TWSG1: variants seen among roughly 807,000 people sequenced by gnomAD.
The protein encoded by TWSG1 is twisted gastrulation BMP signaling modulator 1.
TWSG1 carries 15 observed loss-of-function variants against 23.0 expected under a neutral mutation model. That is an observed-to-expected ratio of 0.65 (90% CI 0.44 to 1.00). The LOEUF is 1.00. Among genes scored for constraint, TWSG1 ranks in the 50% least tolerant of loss-of-function variants. The probability of loss-of-function intolerance (pLI) is 0.00; values close to 1 mark genes in which losing one functional copy is unlikely to be tolerated. For synonymous variants in TWSG1, 86 were observed against 92.8 expected (o/e 0.93, Z 0.42); for missense variants, 242 against 278.7 (o/e 0.87, Z 0.94).
At chr18:9,372,275 C>A (rs1368480823) in intron 3 of TWSG1, among the ~76,000 whole-genome samples, 1 of 151,016 alleles carries the variant, frequency 6.6e-6, no homozygotes, top group African/African-American at 2.4e-5. Context: ...ATACTTTTTC[C>A]TATACATACA....
rs1310882392 is a variant in TWSG1, at chr18:9,401,236, T to G, written c.*1709T>G. On this transcript the variant is annotated 3_prime_UTR_variant, in exon 5 of 5. Coordinates refer to ENST00000262120, the MANE Select transcript of TWSG1 (RefSeq NM_020648.6). ...CTAGAATGCCTCATTTAAAAGTGCC[T>G]TGAAAACATTTAGCTCCCCTTCTTC... The G allele has an allele frequency of 1.3e-5, 2 of 152,160 alleles. No homozygotes were observed. The highest frequency in any genetic ancestry group is 4.8e-5 in the African/African-American group (2 of 41,406). The allele number at this position is 152,160 out of a possible 1,614,324, so 9.4% of individuals were successfully genotyped here. A position where few individuals can be genotyped will look rare whatever the true frequency, so the allele number is the denominator to read the frequency against.
chr18:9,375,691 C>G (rs560059171), intron 3 of TWSG1, among the ~76,000 whole-genome samples: 1 of 152,188 alleles, frequency 6.6e-6, no homozygotes, highest in South Asian at 2.1e-4. Flanking sequence ...TTCTACATAC[C>G]AGCAATGAAC....
chr18:9,395,812 C>T (rs991726031), intron 3 of TWSG1, among the ~76,000 whole-genome samples: 2 of 152,136 alleles, frequency 1.3e-5, no homozygotes. Flanking sequence ...AGTGATCCTC[C>T]CACCTTGGCC....
chr18:9,401,430 GACA>G lies in TWSG1; in HGVS notation c.*1908_*1910del, dbSNP rs2040762041. The G allele has an allele frequency of 8.0e-6, 1 of 124,706 alleles. No individual in the cohort carries two copies. The highest frequency in any genetic ancestry group is 3.4e-5 in the African/African-American group (1 of 29,762). 7.7% of individuals were successfully genotyped at this position (124,706 alleles called of 1,614,324 possible). A position where few individuals can be genotyped will look rare whatever the true frequency, so the allele number is the denominator to read the frequency against. On this transcript the variant is annotated 3_prime_UTR_variant, in exon 5 of 5. Coordinates refer to ENST00000262120, the MANE Select transcript of TWSG1 (RefSeq NM_020648.6). The stretch of plus-strand genomic sequence containing the variant: ...ACATGCCTAATGTTTTCTTAATGAT[GACA>G]ACAAATATTTTAAAACTGCATTTAT...
intron 3 of TWSG1, among the ~76,000 whole-genome samples, chr18:9,366,722 G>A (rs2145613456): frequency 6.6e-6 from 1 of 152,164 alleles, no homozygotes; most frequent in East Asian, 1.9e-4. Context: ...GGTGCTAGGA[G>A]TTCAAATTTT....
In TWSG1 at chr18:9,402,146, A is replaced by G. The variant is rs1188476537; in HGVS notation, c.*2619A>G. 2 of 152,182 alleles carry G rather than the reference A, an allele frequency of 1.3e-5. No homozygotes were observed. The highest frequency in any genetic ancestry group is 2.4e-5 in the African/African-American group (1 of 41,454). The allele number at this position is 152,182 out of a possible 1,614,324, so 9.4% of individuals were successfully genotyped here. On this transcript the variant is annotated 3_prime_UTR_variant, in exon 5 of 5. Coordinates refer to ENST00000262120, the MANE Select transcript of TWSG1 (RefSeq NM_020648.6). The stretch of plus-strand genomic sequence containing the variant: ...TGTGATTTCTAAAATTCCAGAAAGC[A>G]AAATTGATAAGATGTTAGAAATTTG...
At chr18:9,377,269 C>T (rs1409218080) in intron 3 of TWSG1, among the ~76,000 whole-genome samples, 4 of 150,760 alleles carry the variant, frequency 2.7e-5, no homozygotes, top group East Asian at 3.9e-4. Context: ...CCCAGGCTGG[C>T]GTGCAGTGGT....
At chr18:9,365,693 AAAAAGAAAGG>A (rs2040575391) in intron 3 of TWSG1, among the ~76,000 whole-genome samples, 2 of 151,474 alleles carry the variant, frequency 1.3e-5, no homozygotes, top group African/African-American at 4.9e-5. Flanking sequence ...AAAGAAAAAG[AAAAAGAAAGG>A]AAAAGAAAAA....
chr18:9,343,492 G>C (rs752612761), intron 2 of TWSG1, among the ~76,000 whole-genome samples: 2 of 151,522 alleles, frequency 1.3e-5, no homozygotes, highest in African/African-American at 4.9e-5. Context: ...TTGGCATATC[G>C]ACAGACTTGT....
chr18:9,340,127 A>C, intron 2 of TWSG1, among the ~76,000 whole-genome samples: 1 of 152,122 alleles, frequency 6.6e-6, no homozygotes, highest in South Asian at 2.1e-4. Flanking sequence ...CCAGCACTTC[A>C]GAAGGCCGAG....
At chr18:9,367,124 G>C (rs2040583313) in intron 3 of TWSG1, among the ~76,000 whole-genome samples, 1 of 152,022 alleles carries the variant, frequency 6.6e-6, no homozygotes, top group Non-Finnish European at 1.5e-5. Context: ...TAGAGATGGG[G>C]TCTCAATGTG....
chr18:9,353,408 A>G lies in TWSG1; in HGVS notation c.124-6564A>G, dbSNP rs180684351. Among the ~76,000 whole-genome samples, 213 of 152,300 alleles carry G rather than the reference A, an allele frequency of 1.4e-3. 1 individual carries two copies. Among genetic ancestry groups the G allele is most frequent in the Non-Finnish European group, 2.4e-3 (164 of 68,030 alleles). ...TTTGAATGATTAGATTTTTCCCTCA[A>G]ACTTTTCATCCTGCCAGACTTTCAT... On this transcript the variant is annotated intron_variant, in intron 2 of 4. Coordinates refer to ENST00000262120, the MANE Select transcript of TWSG1 (RefSeq NM_020648.6).
intron 3 of TWSG1, among the ~76,000 whole-genome samples, chr18:9,381,316 AC>A (rs2040655147): frequency 6.6e-6 from 1 of 152,062 alleles, no homozygotes; most frequent in African/African-American, 2.4e-5. Context: ...GAATCTCAGG[AC>A]CCCTCTATAC....
Position 9,355,359 on chromosome 18 carries a change from C to T in TWSG1, c.124-4613C>T, listed in dbSNP as rs920244466. 2.6e-5 allele frequency among the ~76,000 whole-genome samples: 4 copies of T among 152,222 alleles called. No homozygotes were observed. The Middle Eastern group carries it at 0.01, about 388-fold the overall frequency. ...CCTTGTTTCATCACAGAGAGTTGTT[C>T]TGAGTTGTTTTTTCTTTTCTATTTT... On this transcript the variant is annotated intron_variant, in intron 2 of 4. Coordinates refer to ENST00000262120, the MANE Select transcript of TWSG1 (RefSeq NM_020648.6).
chr18:9,394,301 A>G (rs923675301), intron 3 of TWSG1, among the ~76,000 whole-genome samples: 11 of 152,266 alleles, frequency 7.2e-5, no homozygotes, highest in African/African-American at 2.7e-4. Context: ...TAAGCCAGGA[A>G]CAGAAAGTTA....
At chr18:9,398,913 G>A (rs1177339177) in intron 4 of TWSG1, among the ~76,000 whole-genome samples, 3 of 151,844 alleles carry the variant, frequency 2.0e-5, no homozygotes, top group Non-Finnish European at 4.4e-5. Context: ...GGAGACTGAG[G>A]CAGAGAATCA....
chr18:9,378,427 C>T (rs925859851), intron 3 of TWSG1, among the ~76,000 whole-genome samples: 2 of 152,070 alleles, frequency 1.3e-5, no homozygotes, highest in African/African-American at 4.8e-5. Flanking sequence ...TTTTGGGGTA[C>T]AAAATCAATG....
intron 3 of TWSG1, among the ~76,000 whole-genome samples, chr18:9,389,855 T>C (rs1456482590): frequency 6.6e-6 from 1 of 152,234 alleles, no homozygotes; most frequent in Non-Finnish European, 1.5e-5. Flanking sequence ...CTGATTTGGT[T>C]CCAGATCACT....
At chr18:9,370,408 A>G (rs182849801) in intron 3 of TWSG1, among the ~76,000 whole-genome samples, 12 of 152,252 alleles carry the variant, frequency 7.9e-5, no homozygotes, top group Admixed American at 2.0e-4. Flanking sequence ...TCACTTTCCA[A>G]TCTCTTCCCA....
Sources: allele counts gnomAD v4.1 joint callset (sites outside exome capture counted in the v4.1 genomes callset), GRCh38; gene constraint gnomAD v4.1.1; transcripts MANE v1.5; gene names NCBI Gene and HGNC (gene_info 2026-07-23, HGNC 2026-07-21).